The following WDR64 variants were observed in gnomAD, a reference collection of about 807,000 sequenced individuals.
WDR64 encodes the protein WD repeat-containing protein 64.
WDR64 carries 112 observed loss-of-function variants against 139.3 expected under a neutral mutation model. That is an observed-to-expected ratio of 0.80 (90% CI 0.69 to 0.94). The LOEUF is 0.94. Ranked by LOEUF, WDR64 falls within the 40% of genes least tolerant of loss-of-function variation. The pLI is 0.00. For synonymous variants in WDR64, 444 were observed against 437.7 expected, an observed-to-expected ratio of 1.01 and a Z score of -0.18; for missense variants, 1,206 against 1,293.1, an observed-to-expected ratio of 0.93 and a Z score of 1.03.
chr1:241,771,578 T>C (rs1658432521), intron 18 of WDR64, 83 bp from the exon 19 acceptor site: 12 of 1,035,158 alleles, frequency 1.2e-5, no homozygotes, highest in Admixed American at 3.6e-5. Flanking sequence ...AAAATTCAAC[T>C]ATCTGGAGAA....
At chr1:241,741,468 AG>A in intron 11 of WDR64, 47 bp from the exon 12 acceptor site, 1 of 1,529,144 alleles carries the variant, frequency 6.5e-7, no homozygotes, top group African/African-American at 1.4e-5. Flanking sequence ...CTTTGTGATT[AG>A]AAACTTCTAA....
chr1:241,748,895 G>C (rs1021755409), intron 13 of WDR64, among the ~76,000 whole-genome samples: 3 of 148,150 alleles, frequency 2.0e-5, no homozygotes, highest in African/African-American at 7.5e-5. Context: ...AGCCGAGATC[G>C]CCACTGCACT....
intron 9 of WDR64, among the ~76,000 whole-genome samples, chr1:241,718,059 G>A (rs1668469211): frequency 6.6e-6 from 1 of 152,182 alleles, no homozygotes; most frequent in African/African-American, 2.4e-5. Flanking sequence ...CTAGTTAAGG[G>A]GTAGAGCCAG....
At chr1:241,657,209 C>T (rs1014888202) in intron 1 of WDR64, among the ~76,000 whole-genome samples, 5 of 152,058 alleles carry the variant, frequency 3.3e-5, no homozygotes, top group Admixed American at 1.3e-4. Context: ...CCAGGATGTG[C>T]AGTCACCCTC....
chr1:241,675,754 C>T (rs1172801474), intron 4 of WDR64, among the ~76,000 whole-genome samples: 1 of 152,184 alleles, frequency 6.6e-6, no homozygotes, highest in Admixed American at 6.5e-5. Context: ...GACAATAAAA[C>T]CTGTCCTCCC....
chr1:241,746,949 A>G (rs893019973), intron 13 of WDR64, among the ~76,000 whole-genome samples: 1 of 152,010 alleles, frequency 6.6e-6, no homozygotes. Flanking sequence ...TAGTAGAGAC[A>G]GGGTTTTGCT....
chr1:241,652,623 A>T lies in WDR64; in HGVS notation c.139A>T (p.Lys47Ter), dbSNP rs1159001763. 1.3e-6 allele frequency: 2 copies of T among 1,551,550 alleles called. No individual in the cohort carries two copies. The highest frequency in any genetic ancestry group is 1.7e-6 in the Non-Finnish European group (2 of 1,146,992). Residue 47 changes from lysine to a stop codon, truncating the protein, a stop_gained, in exon 1 of 28, where the codon AAA becomes TAA. Transcript: ENST00000437684. LOFTEE classifies it high-confidence loss of function. ...TGAAAGAGCAGGCTTATTTATCCAT[A>T]AAGAAGGTAAGATCAGTGATTACAC... The part of the protein sequence containing the change: ...RDERAGLFIH[K>*]EDAIGYDKFY...
At position 241,742,055 on chromosome 1, in the gene WDR64, G is replaced by A. The variant is rs138273668; in HGVS notation, c.1470+391G>A. Among the ~76,000 whole-genome samples the A allele has an allele frequency of 1.1e-3, 172 of 152,240 alleles. 3 individuals carry two copies. In the Middle Eastern group the frequency reaches 0.014, roughly 12 times the overall value. ...TGTAACCCCTGTAGATTCAGAATAC[G>A]TACCAAGAGCTTTAAGTCTCTGTGA... On this transcript the variant is annotated intron_variant, in intron 12 of 27. Transcript: ENST00000437684.
intron 17 of WDR64, among the ~76,000 whole-genome samples, chr1:241,770,080 T>C (rs377180473): frequency 9.2e-5 from 14 of 152,258 alleles, no homozygotes; most frequent in African/African-American, 3.4e-4. Flanking sequence ...TGGTTTGGGG[T>C]CACCCAGAGG....
chr1:241,763,408 A>T (rs1658009781), intron 15 of WDR64, among the ~76,000 whole-genome samples: 1 of 152,184 alleles, frequency 6.6e-6, no homozygotes, highest in African/African-American at 2.4e-5. Flanking sequence ...AAAATTATAG[A>T]TTGAAAGTTT....
At chr1:241,732,626 C>G (rs570620250) in intron 10 of WDR64, among the ~76,000 whole-genome samples, 19 of 141,860 alleles carry the variant, frequency 1.3e-4, no homozygotes, top group Non-Finnish European at 2.1e-4. Flanking sequence ...TTGAGACCAG[C>G]CTGGCCAACA....
chr1:241,751,128 G>T (rs1023525658), intron 14 of WDR64, among the ~76,000 whole-genome samples: 1 of 151,900 alleles, frequency 6.6e-6, no homozygotes, highest in African/African-American at 2.4e-5. Flanking sequence ...TGTTCCAGAA[G>T]GATATTCCCT....
At chr1:241,788,275 G>C (rs1386142362) in intron 24 of WDR64, among the ~76,000 whole-genome samples, 1 of 152,226 alleles carries the variant, frequency 6.6e-6, no homozygotes, top group Non-Finnish European at 1.5e-5. Flanking sequence ...GACCAAAGGT[G>C]CAATAACTTG....
At chr1:241,744,733 G>A (rs1669687595) in intron 13 of WDR64, among the ~76,000 whole-genome samples, 1 of 152,186 alleles carries the variant, frequency 6.6e-6, no homozygotes, top group African/African-American at 2.4e-5. Context: ...TCCTCACATT[G>A]CATTTACATA....
At chr1:241,723,513 A>G in intron 10 of WDR64, 77 bp downstream of exon 10, 2 of 1,456,506 alleles carry the variant, frequency 1.4e-6, no homozygotes, top group Non-Finnish European at 1.8e-6. Context: ...GGATGATACA[A>G]TTTTTGACTG....
intron 13 of WDR64, among the ~76,000 whole-genome samples, chr1:241,748,455 G>T (rs1430293356): frequency 6.6e-6 from 1 of 152,156 alleles, no homozygotes; most frequent in African/African-American, 2.4e-5. Flanking sequence ...AAGGGGCAAG[G>T]CAGATCCTTG....
chr1:241,728,174 A>C (rs1668922339), intron 10 of WDR64, among the ~76,000 whole-genome samples: 1 of 151,362 alleles, frequency 6.6e-6, no homozygotes, highest in Non-Finnish European at 1.5e-5. Flanking sequence ...CACTACTAAA[A>C]CTACAAAAAT....
chr1:241,694,174 G>C (rs1667402841), intron 8 of WDR64, among the ~76,000 whole-genome samples: 1 of 151,890 alleles, frequency 6.6e-6, no homozygotes, highest in African/African-American at 2.4e-5. Flanking sequence ...TAAATTCTGA[G>C]GTTTTAAATT....
chr1:241,714,639 A>G (rs1267610362), intron 9 of WDR64, among the ~76,000 whole-genome samples: 8 of 152,128 alleles, frequency 5.3e-5, no homozygotes, highest in Admixed American at 4.6e-4. Context: ...ATTTAAATCT[A>G]TGCTCAGCTC....
Sources: gnomAD v4.1 joint callset for allele counts (sites outside exome capture counted in the v4.1 genomes callset) on GRCh38, gnomAD v4.1.1 for gene constraint, MANE v1.5 for transcripts, NCBI Gene and HGNC (gene_info 2026-07-23, HGNC 2026-07-21) for gene names.